Variants in ZNF107 observed in about 807,000 individuals in gnomAD.
ZNF107 encodes zinc finger protein 107, also known as C2H2 type zinc-finger protein.
ZNF107 carries 19 observed loss-of-function variants against 12.3 expected under a neutral mutation model. That is an observed-to-expected ratio of 1.55 (90% CI 1.08 to 2.27). The LOEUF (loss-of-function observed/expected upper bound fraction) is 2.27. ZNF107 is among the 30% of genes most tolerant of loss of function. The pLI, the probability that ZNF107 is intolerant of heterozygous loss-of-function variation, is 0.00. For missense variants in ZNF107, 958 were observed against 979.9 expected, an observed-to-expected ratio of 0.98 and a Z score of 0.30; for synonymous variants, 317 against 330.5, an observed-to-expected ratio of 0.96 and a Z score of 0.44.
intron 1 of ZNF107, among the ~76,000 whole-genome samples, chr7:64,686,142 C>G (rs147135495): frequency 6.6e-6 from 1 of 152,192 alleles, no homozygotes; most frequent in African/African-American, 2.4e-5. Context: ...GGCTATGCAC[C>G]TTTTTAGGGG....
At chr7:64,670,555 A>G (rs1351226493) in intron 1 of ZNF107, among the ~76,000 whole-genome samples, 1 of 151,622 alleles carries the variant, frequency 6.6e-6, no homozygotes, top group African/African-American at 2.4e-5. Flanking sequence ...TTTAATATGA[A>G]AAAGAAAATA....
At chr7:64,676,568 T>C (rs1170020803) in intron 1 of ZNF107, among the ~76,000 whole-genome samples, 1 of 152,184 alleles carries the variant, frequency 6.6e-6, no homozygotes, top group Non-Finnish European at 1.5e-5. Context: ...AAATTAAATC[T>C]TGGGACTCCA....
chr7:64,705,515 C>T (rs573466244), intron 3 of ZNF107, among the ~76,000 whole-genome samples: 1 of 151,382 alleles, frequency 6.6e-6, no homozygotes, highest in East Asian at 1.9e-4. Context: ...GCTGTATTGC[C>T]CTAATATTTT....
Position 64,702,173 on chromosome 7 carries a change from G to C in ZNF107, c.227-4151G>C, listed in dbSNP as rs545771485. ...CAGTTTTATTTTTTTTTTTGAGACG[G>C]AGTCTTGCTCTGTCGCCCAGGCTGG... On this transcript the variant is annotated intron_variant, in intron 3 of 3. Transcript: ENST00000620827. Among the ~76,000 whole-genome samples the C allele has an allele frequency of 1.1e-4, 17 of 151,398 alleles. No homozygotes were observed. In the South Asian group the frequency reaches 3.5e-3, roughly 31 times the overall value.
At chr7:64,670,504 AGAACT>A in intron 1 of ZNF107, among the ~76,000 whole-genome samples, 2 of 152,352 alleles carry the variant, frequency 1.3e-5, no homozygotes, top group South Asian at 4.1e-4. Context: ...TTGATTAAGA[AGAACT>A]TTCTTTTGAC....
intron 3 of ZNF107, among the ~76,000 whole-genome samples, chr7:64,700,742 G>A (rs1336905346): frequency 1.3e-5 from 2 of 151,744 alleles, no homozygotes; most frequent in Non-Finnish European, 2.9e-5. Flanking sequence ...GTTTTGCCAT[G>A]TTGGCCAGGC....
chr7:64,687,505 A>G, intron 1 of ZNF107: 1 of 985,438 alleles, frequency 1.0e-6, no homozygotes, highest in Non-Finnish European at 1.2e-6. Context: ...TCAGTGGCAG[A>G]TGGTAGGAGT....
chr7:64,698,504 C>A (rs1252455894), intron 3 of ZNF107, among the ~76,000 whole-genome samples: 1 of 151,952 alleles, frequency 6.6e-6, no homozygotes, highest in Non-Finnish European at 1.5e-5. Context: ...CTCACTCCAA[C>A]CTCTGCCTCC....
intron 1 of ZNF107, among the ~76,000 whole-genome samples, chr7:64,671,779 CTTTTTTTTTTT>C (rs1213610930): frequency 1.7e-5 from 2 of 116,560 alleles, no homozygotes; most frequent in Non-Finnish European, 3.6e-5. Flanking sequence ...CCTTTTTGTT[CTTTTTTTTTTT>C]TTTTTTTTTG....
chr7:64,676,166 T>C (rs968766758), intron 1 of ZNF107, among the ~76,000 whole-genome samples: 1 of 152,214 alleles, frequency 6.6e-6, no homozygotes, highest in African/African-American at 2.4e-5. Context: ...TTTTTTAATT[T>C]GTATGTAATT....
At chr7:64,684,947 C>T (rs1162571284) in intron 1 of ZNF107, among the ~76,000 whole-genome samples, 1 of 152,148 alleles carries the variant, frequency 6.6e-6, no homozygotes, top group Non-Finnish European at 1.5e-5. Flanking sequence ...CTTTGCATTT[C>T]TCTATCAGCT....
In ZNF107 at chr7:64,710,910, CT is replaced by C. The variant is rs1790867108; in HGVS notation, c.*2256del. On this transcript the variant is annotated 3_prime_UTR_variant, in exon 4 of 4. Transcript: ENST00000620827. ...TGAAGTAGGTTTTCAGAGCAATATTCTTCTGCATTATAGTAAGAGAAAACCA... is the reference window on the plus strand; with the variant it reads ...TGAAGTAGGTTTTCAGAGCAATATTCTCTGCATTATAGTAAGAGAAAACCA... 6.6e-6 allele frequency: 1 copy of C among 152,096 alleles called. No individual in the cohort carries two copies. The highest frequency in any genetic ancestry group is 1.5e-5 in the Non-Finnish European group (1 of 67,986). The allele number at this position is 152,096 out of a possible 1,614,324, so 9.4% of individuals were successfully genotyped here. A position where few individuals can be genotyped will look rare whatever the true frequency, so the allele number is the denominator to read the frequency against.
In ZNF107 at chr7:64,706,998, A is replaced by C. The variant is rs911384719; in HGVS notation, c.901A>C (p.Thr301Pro). The C allele has an allele frequency of 6.2e-7, 1 of 1,613,468 alleles. No homozygotes were observed. The highest frequency in any genetic ancestry group is 8.5e-7 in the Non-Finnish European group (1 of 1,179,794). The change falls in exon 4 of 4, where the codon ACT becomes CCT. Residue 301 changes from threonine (T) to proline (P), a missense_variant. Coordinates refer to ENST00000620827, the MANE Select transcript of ZNF107 (RefSeq NM_001282359.2). ...AGTCTTTAGCCAGTCCTCACACCTT[A>C]CTACACAAAAGATACTTCACACTGG... Reference protein sequence around the residue: ...GKVFSQSSHLTTQKILHTGEN... With the variant: ...GKVFSQSSHLPTQKILHTGEN...
rs752827791 is a variant in ZNF107 at position 64,691,906 on chromosome 7, C to CA, written c.180dup (p.Glu61ArgfsTer9). 8.8e-5 allele frequency: 134 copies of CA among 1,514,132 alleles called. No homozygotes were observed. Among genetic ancestry groups the CA allele is most frequent in the South Asian group, 3.8e-4 (29 of 77,144 alleles). 93.8% of individuals were successfully genotyped at this position (1,514,132 alleles called of 1,614,324 possible). On this transcript the variant is annotated frameshift_variant, in exon 3 of 4. Coordinates refer to ENST00000620827, the MANE Select transcript of ZNF107 (RefSeq NM_001282359.2). LOFTEE classifies it high-confidence loss of function. ...GCCATATCTGATCACCTGTCTGGAGCAAAAAAAAGAGCCCTGGAATATAAA... is the reference window on the plus strand; with the variant it reads ...GCCATATCTGATCACCTGTCTGGAGCAAAAAAAAAGAGCCCTGGAATATAAA...
chr7:64,670,916 A>G (rs12674253), intron 1 of ZNF107, among the ~76,000 whole-genome samples: 7,137 of 152,266 alleles, frequency 0.047, 447 homozygotes, highest in African/African-American at 0.14. Context: ...AAGCACTGAT[A>G]GGCCCGTATG....
At chr7:64,703,310 T>C (rs981488950) in intron 3 of ZNF107, among the ~76,000 whole-genome samples, 1 of 152,176 alleles carries the variant, frequency 6.6e-6, no homozygotes, top group Non-Finnish European at 1.5e-5. Flanking sequence ...TATCCCTGTA[T>C]TTTTTTATGA....
At chr7:64,676,805 C>T (rs1054209472) in intron 1 of ZNF107, among the ~76,000 whole-genome samples, 7 of 152,104 alleles carry the variant, frequency 4.6e-5, no homozygotes, top group Non-Finnish European at 1.0e-4. Context: ...TCAGTCACTC[C>T]CCTTTCCATC....
chr7:64,707,494 C>A lies in ZNF107; in HGVS notation c.1397C>A (p.Ser466Ter), dbSNP rs1790704038. 5 of 1,613,248 alleles carry A rather than the reference C, an allele frequency of 3.1e-6. No individual in the cohort carries two copies. In the South Asian group the frequency reaches 5.5e-5, roughly 18 times the overall value. Residue 466 changes from serine to a stop codon, truncating the protein, a stop_gained, in exon 4 of 4, where the codon TCA (serine) becomes TAA (stop). Transcript: ENST00000620827. LOFTEE classifies it low-confidence loss of function (END_TRUNC). ...TGTGGCAAAGCTTTTAACCAACACT[C>A]AAACCTAATTAACCATAGGAAAATT... ...EECGKAFNQH[S>*]NLINHRKIYS...
At chr7:64,677,623 G>A (rs759346034) in intron 1 of ZNF107, among the ~76,000 whole-genome samples, 64 of 151,482 alleles carry the variant, frequency 4.2e-4, no homozygotes, top group Admixed American at 2.3e-3. Context: ...GGAGGCCGAG[G>A]CGGGCGGATC....
Sources: allele counts gnomAD v4.1 joint callset (sites outside exome capture counted in the v4.1 genomes callset), GRCh38; gene constraint gnomAD v4.1.1; transcripts MANE v1.5; gene names NCBI Gene and HGNC (gene_info 2026-07-23, HGNC 2026-07-21).